Variants in MBNL3 observed in about 807,000 individuals in gnomAD.
The protein encoded by MBNL3 is muscleblind-like protein 3.
A neutral mutation model predicts 24.5 loss-of-function variants in MBNL3; 6 were observed. The ratio of observed to expected loss-of-function variants is 0.25; its 90% CI spans 0.13 to 0.48. The LOEUF is 0.48. Ranked by LOEUF, MBNL3 falls within the 20% of genes least tolerant of loss-of-function variation. The pLI, the probability that MBNL3 is intolerant of heterozygous loss-of-function variation, is 0.99. For synonymous variants in MBNL3, 100 were observed against 101.7 expected (o/e 0.98, Z 0.10); for missense variants, 230 against 293.5 (o/e 0.78, Z 1.58).
chrX:132,382,085 C>T, intron 8 of MBNL3, 93 bp downstream of exon 8: 1 of 755,015 alleles, frequency 1.3e-6, no homozygotes, highest in Non-Finnish European at 1.9e-6. Context: ...TTAAGAAACA[C>T]ATAAGAATCT....
intron 1 of MBNL3, among the ~76,000 whole-genome samples, chrX:132,484,058 C>G (rs1338318710): frequency 5.4e-5 from 6 of 111,147 alleles, no homozygotes; most frequent in African/African-American, 2.0e-4. Flanking sequence ...GTAATGAAGA[C>G]TGATATCCCT....
intron 2 of MBNL3, among the ~76,000 whole-genome samples, chrX:132,424,373 T>G (rs1944100379): frequency 9.0e-6 from 1 of 111,611 alleles, no homozygotes; most frequent in Non-Finnish European, 1.9e-5. Context: ...TGACGCCTGC[T>G]TGGAGGTTGT....
At chrX:132,395,569 A>C (rs1196460343) in intron 3 of MBNL3, among the ~76,000 whole-genome samples, 1 of 111,497 alleles carries the variant, frequency 9.0e-6, no homozygotes, top group East Asian at 2.8e-4. Context: ...GTGGCAACAG[A>C]CTTTATGAAT....
chrX:132,454,854 T>G (rs1946291945), intron 1 of MBNL3, among the ~76,000 whole-genome samples: 1 of 112,375 alleles, frequency 8.9e-6, no homozygotes, highest in African/African-American at 3.2e-5. Context: ...GATACAGTCT[T>G]AAGCTCTACA....
intron 3 of MBNL3, among the ~76,000 whole-genome samples, chrX:132,395,369 G>C (rs946456185): frequency 6.3e-5 from 7 of 111,758 alleles, no homozygotes; most frequent in African/African-American, 2.3e-4. Context: ...TTATTGTAAA[G>C]GAAAAGGTTT....
chrX:132,466,945 G>C (rs181058700), intron 1 of MBNL3, among the ~76,000 whole-genome samples: 10 of 111,446 alleles, frequency 9.0e-5, no homozygotes, highest in Non-Finnish European at 1.5e-4. Context: ...ATCATGGGGG[G>C]TTGTCAGGGA....
Position 132,420,066 on chromosome X carries a change from T to A in MBNL3, c.178-13674A>T, listed in dbSNP as rs1029483636. 3.6e-5 allele frequency among the ~76,000 whole-genome samples: 4 copies of A among 111,345 alleles called. No individual in the cohort carries two copies. The South Asian group carries it at 1.1e-3, about 32-fold the overall frequency. On this transcript the variant is annotated intron_variant, in intron 2 of 8. Transcript: ENST00000370853. ...CAAGATGGTGGCAAGCCTCTTGTTC[T>A]CTGACCTGGGGTTCTTGGCCTCATG... is the stretch of plus-strand genomic sequence containing the variant.
At chrX:132,409,971 A>G (rs992232775) in intron 2 of MBNL3, among the ~76,000 whole-genome samples, 3 of 111,499 alleles carry the variant, frequency 2.7e-5, no homozygotes, top group African/African-American at 9.8e-5. Flanking sequence ...AATAAGTGCT[A>G]CTACACCTAT....
chrX:132,402,499 C>T (rs888155393), intron 3 of MBNL3, among the ~76,000 whole-genome samples: 3 of 111,826 alleles, frequency 2.7e-5, no homozygotes, highest in African/African-American at 9.7e-5. Flanking sequence ...TATTCTTCTA[C>T]AGTGGTTGTA....
At chrX:132,433,137 G>C (rs969430111) in intron 2 of MBNL3, among the ~76,000 whole-genome samples, 6 of 111,764 alleles carry the variant, frequency 5.4e-5, no homozygotes, top group African/African-American at 2.0e-4. Context: ...TCTCCACCCT[G>C]GGAAGCCCAG....
intron 2 of MBNL3, among the ~76,000 whole-genome samples, chrX:132,418,294 A>G (rs1027817764): frequency 4.5e-5 from 5 of 112,301 alleles, no homozygotes; most frequent in African/African-American, 1.6e-4. Context: ...CCACCTTAAT[A>G]TTAATGGCTA....
intron 2 of MBNL3, among the ~76,000 whole-genome samples, chrX:132,437,599 A>G (rs973754006): frequency 2.7e-5 from 3 of 111,450 alleles, no homozygotes; most frequent in Non-Finnish European, 5.7e-5. Flanking sequence ...GGTCAGATAC[A>G]GTAGTGAGGC....
intron 1 of MBNL3, among the ~76,000 whole-genome samples, chrX:132,445,721 TTTTTTAA>T: frequency 8.9e-6 from 1 of 111,878 alleles, no homozygotes; most frequent in South Asian, 3.7e-4. Context: ...CTGGCACATC[TTTTTTAA>T]AAAGATGTGT....
At chrX:132,433,083 A>G (rs1374862442) in intron 2 of MBNL3, among the ~76,000 whole-genome samples, 1 of 110,854 alleles carries the variant, frequency 9.0e-6, no homozygotes, top group Admixed American at 9.6e-5. Flanking sequence ...ATGCACAAGG[A>G]CTCTCTCTCT....
At chrX:132,480,776 C>T (rs1436105811) in intron 1 of MBNL3, among the ~76,000 whole-genome samples, 1 of 111,424 alleles carries the variant, frequency 9.0e-6, no homozygotes, top group African/African-American at 3.3e-5. Flanking sequence ...ACTGTTGGTC[C>T]TTCCAACCAG....
intron 2 of MBNL3, among the ~76,000 whole-genome samples, chrX:132,423,241 A>G (rs1019181959): frequency 8.9e-6 from 1 of 111,880 alleles, no homozygotes; most frequent in Admixed American, 9.5e-5. Context: ...GTAAGTATGT[A>G]TATGAGAGCT....
intron 3 of MBNL3, among the ~76,000 whole-genome samples, chrX:132,399,601 G>A (rs1175280878): frequency 1.8e-5 from 2 of 110,157 alleles, no homozygotes; most frequent in Non-Finnish European, 1.9e-5. Flanking sequence ...AATTGCTAAT[G>A]TGACTGGTAT....
Position 132,379,510 on chromosome X carries a change from T to A in MBNL3, c.*156A>T. The A allele has an allele frequency of 2.1e-6, 1 of 471,465 alleles. No homozygotes were observed. 38.9% of individuals were successfully genotyped at this position (471,465 alleles called of 1,213,427 possible). A position where few individuals can be genotyped will look rare whatever the true frequency, so the allele number is the denominator to read the frequency against. On this transcript the variant is annotated 3_prime_UTR_variant, in exon 9 of 9. Transcript: ENST00000370853. ...CATTGATTTTTAATGCTTTATTTTT[T>A]ATTTGAATTTGCTGGCTGGCAGGTT...
In MBNL3 at chrX:132,413,920, T is replaced by G. The variant is rs534910977; in HGVS notation, c.178-7528A>C. Among the ~76,000 whole-genome samples, 134 of 111,751 alleles carry G rather than the reference T, an allele frequency of 1.2e-3. No homozygotes were observed. The Middle Eastern group carries it at 0.018, about 15-fold the overall frequency. ...TATTTATGTGTGCAGAGGTGAGGGG[T>G]GGTTAATCTTTTCTTTTTTTCCTTC... On this transcript the variant is annotated intron_variant, in intron 2 of 8. Transcript: ENST00000370853.
Sources: allele counts gnomAD v4.1 joint callset (sites outside exome capture counted in the v4.1 genomes callset), GRCh38; gene constraint gnomAD v4.1.1; transcripts MANE v1.5; gene names NCBI Gene and HGNC (gene_info 2026-07-23, HGNC 2026-07-21).